Variants in LARP1B observed in about 807,000 individuals in gnomAD.
The protein encoded by LARP1B is La ribonucleoprotein 1B, also known as la-related protein 1B.
A neutral mutation model predicts 114.2 loss-of-function variants in LARP1B; 76 were observed. That is an observed-to-expected ratio of 0.67 (90% CI 0.55 to 0.81). LARP1B has a LOEUF of 0.81. Ranked by LOEUF, LARP1B falls within the 30% of genes least tolerant of loss-of-function variation. LARP1B has a pLI of 0.00. For synonymous variants in LARP1B, 345 were observed against 348.0 expected (o/e 0.99, Z 0.10); for missense variants, 1,014 against 1,075.8 (o/e 0.94, Z 0.80).
chr4:128,066,767 G>T (rs1049865801), intron 1 of LARP1B, among the ~76,000 whole-genome samples: 2 of 146,680 alleles, frequency 1.4e-5, no homozygotes, highest in African/African-American at 5.1e-5. Flanking sequence ...GTGAACCACC[G>T]TGCCTGGCCG....
chr4:128,125,889 A>G (rs1290899595), intron 11 of LARP1B, among the ~76,000 whole-genome samples: 4 of 152,184 alleles, frequency 2.6e-5, no homozygotes, highest in Non-Finnish European at 5.9e-5. Context: ...ACTAGTTGTA[A>G]ATTTGATGTG....
chr4:128,206,690 C>A (rs1322376147), intron 18 of LARP1B, 153 bp downstream of exon 18: 1 of 985,292 alleles, frequency 1.0e-6, no homozygotes, highest in Non-Finnish European at 1.2e-6. Context: ...GGATGGGGCA[C>A]CAGGTAGTAA....
At position 128,122,191 on chromosome 4, in the gene LARP1B, A is replaced by G. The variant is rs764004125; in HGVS notation, c.1524+3A>G. 40 of 1,611,106 alleles carry G rather than the reference A, an allele frequency of 2.5e-5. No individual in the cohort carries two copies. The highest frequency in any genetic ancestry group is 3.1e-5 in the Non-Finnish European group (36 of 1,177,772). ...AAAACAAACACACAGCCATAAAGGT[A>G]ATTGTTTCTGGCCAACATCTTTCTA... On this transcript the variant is annotated splice_donor_region_variant and intron_variant, in intron 11 of 19. Transcript: ENST00000326639.
At chr4:128,159,017 T>A (rs200822295) in intron 11 of LARP1B, among the ~76,000 whole-genome samples, 4 of 146,760 alleles carry the variant, frequency 2.7e-5, no homozygotes, top group East Asian at 2.0e-4. Context: ...AAAAAAAAAT[T>A]AAAAAAAAAA....
rs568125805 is a variant in LARP1B at position 128,178,821 on chromosome 4, C to T, written c.1896+179C>T. On this transcript the variant is annotated intron_variant, in intron 14 of 19. Transcript: ENST00000326639. ...GGTTAGGAAATTTTTCGGTTGGGCA[C>T]GGTGGTTTATGCCTGTAATCCAACA... 1.4e-3 allele frequency among the ~76,000 whole-genome samples: 219 copies of T among 152,120 alleles called. 1 individual carries two copies. Among genetic ancestry groups the T allele is most frequent in the Admixed American group, 2.7e-3 (41 of 15,278 alleles).
chr4:128,107,293 A>G lies in LARP1B; in HGVS notation c.968A>G (p.Gln323Arg), dbSNP rs780741398. The G allele has an allele frequency of 2.5e-6, 4 of 1,614,176 alleles. No homozygotes were observed. In the South Asian group the frequency reaches 4.4e-5, roughly 18 times the overall value. ...GATTGTCCAGAGTTTGTACCAGGCC[A>G]AGCCTTTTGCTCACATACAGGTAAC... ...LIDCPEFVPG[Q>R]AFCSHTESAP... The change falls in exon 9 of 20, where the codon CAA (glutamine) becomes CGA (arginine). Residue 323 changes from glutamine to arginine, a missense_variant. Gln to Arg is a conservative substitution (Grantham distance 43). Coordinates refer to ENST00000326639, the MANE Select transcript of LARP1B (RefSeq NM_018078.4).
In LARP1B at chr4:128,069,269, C is replaced by T. The variant is rs534112686; in HGVS notation, c.-77-5191C>T. The T allele has an allele frequency of 4.1e-4, 395 of 961,090 alleles. 3 individuals are homozygous for T. The East Asian group carries it at 8.7e-3, about 21-fold the overall frequency. The allele number at this position is 961,090 out of a possible 1,614,324, so 59.5% of individuals were successfully genotyped here. On this transcript the variant is annotated intron_variant, in intron 1 of 19. Transcript: ENST00000326639. Reference sequence around the variant, plus strand: ...ACTTGTATGTGGAATCTTCACCAACCCAGTGAGAATTCAGGACTTTTAGAG... The same window carrying T: ...ACTTGTATGTGGAATCTTCACCAACTCAGTGAGAATTCAGGACTTTTAGAG...
At chr4:128,077,710 G>A in intron 3 of LARP1B, 78 bp from the exon 4 acceptor site, 1 of 1,397,816 alleles carries the variant, frequency 7.2e-7, no homozygotes, top group Admixed American at 2.9e-5. Flanking sequence ...TTTTAGGTTA[G>A]GTATATTGCC....
intron 15 of LARP1B, among the ~76,000 whole-genome samples, chr4:128,189,284 A>C (rs1578505872): frequency 2.9e-5 from 1 of 34,584 alleles, no homozygotes; most frequent in Non-Finnish European, 6.5e-5. Context: ...TTTTTTACAG[A>C]CTTTCACTTG....
At chr4:128,182,328 T>G (rs1458340424) in intron 15 of LARP1B, among the ~76,000 whole-genome samples, 1 of 152,026 alleles carries the variant, frequency 6.6e-6, no homozygotes, top group Non-Finnish European at 1.5e-5. Flanking sequence ...TGGGCTGGTC[T>G]TGAATTCCTG....
chr4:128,217,073 C>G (rs1252493845), intron 6 of LARP1B, among the ~76,000 whole-genome samples: 1 of 150,146 alleles, frequency 6.7e-6, no homozygotes, highest in East Asian at 2.0e-4. Flanking sequence ...GACACATACA[C>G]TCTCCCAAGA....
intron 11 of LARP1B, among the ~76,000 whole-genome samples, chr4:128,151,390 ATTTCT>A (rs1732712732): frequency 6.6e-6 from 1 of 152,050 alleles, no homozygotes; most frequent in Non-Finnish European, 1.5e-5. Context: ...GTCCTTTATA[ATTTCT>A]TTTATTTTTT....
chr4:128,091,596 A>G, intron 7 of LARP1B, 84 bp downstream of exon 7: 1 of 1,119,598 alleles, frequency 8.9e-7, no homozygotes, highest in South Asian at 1.8e-5. Flanking sequence ...TGAATATGCT[A>G]TAATTTTTTT....
chr4:128,119,635 C>T (rs949184727), intron 10 of LARP1B, among the ~76,000 whole-genome samples: 2 of 152,212 alleles, frequency 1.3e-5, no homozygotes, highest in Non-Finnish European at 2.9e-5. Context: ...TAACTGCCAT[C>T]TCAAAACTTT....
intron 5 of LARP1B, among the ~76,000 whole-genome samples, chr4:128,082,555 G>A (rs982785379): frequency 1.1e-4 from 17 of 151,828 alleles, no homozygotes; most frequent in South Asian, 2.1e-4. Context: ...CTTTATAGTC[G>A]TCCCCTCCCC....
intron 12 of LARP1B, among the ~76,000 whole-genome samples, chr4:128,176,097 TATATATATACACAC>T (rs1454072600): frequency 6.8e-6 from 1 of 146,118 alleles, no homozygotes; most frequent in African/African-American, 2.5e-5. Flanking sequence ...TCTCTCGATA[TATATATATACACAC>T]ATATATATAC....
intron 11 of LARP1B, among the ~76,000 whole-genome samples, chr4:128,161,824 A>G (rs938443033): frequency 2.0e-5 from 3 of 151,978 alleles, no homozygotes; most frequent in Non-Finnish European, 4.4e-5. Flanking sequence ...TTATGTGTTC[A>G]TTTCTTCCTT....
chr4:128,069,486 G>A (rs974436294), intron 1 of LARP1B: 14 of 751,978 alleles, frequency 1.9e-5, no homozygotes, highest in South Asian at 8.2e-5. Context: ...CAGCTGGTGC[G>A]CTTTATCAAG....
chr4:128,155,443 G>A, intron 11 of LARP1B: 2 of 711,394 alleles, frequency 2.8e-6, no homozygotes, highest in East Asian at 2.6e-5. Context: ...CGTGGGTATG[G>A]CGACCCCGCG....
Sources: allele counts gnomAD v4.1 joint callset (sites outside exome capture counted in the v4.1 genomes callset), GRCh38; gene constraint gnomAD v4.1.1; transcripts MANE v1.5; gene names NCBI Gene and HGNC (gene_info 2026-07-23, HGNC 2026-07-21).